Variants in BBS9 observed in about 807,000 individuals in gnomAD.
The protein encoded by BBS9 is protein PTHB1.
BBS9 carries 89 observed loss-of-function variants against 117.7 expected under a neutral mutation model. The ratio of observed to expected loss-of-function variants is 0.76; its 90% CI spans 0.64 to 0.90. The LOEUF (loss-of-function observed/expected upper bound fraction) is 0.90, where lower values mean the gene tolerates loss of function less well. Among genes scored for constraint, BBS9 ranks in the 40% least tolerant of loss-of-function variants. BBS9 has a pLI of 0.00. For missense variants in BBS9, 982 were observed against 1,042.2 expected, an observed-to-expected ratio of 0.94 and a Z score of 0.80; for synonymous variants, 379 against 370.9, an observed-to-expected ratio of 1.02 and a Z score of -0.25.
intron 21 of BBS9, among the ~76,000 whole-genome samples, chr7:33,588,064 G>C (rs1433346457): frequency 1.3e-5 from 2 of 151,958 alleles, no homozygotes; most frequent in Admixed American, 1.3e-4. Flanking sequence ...CTATTATCAA[G>C]AACTGGAATT....
At chr7:33,309,152 G>T (rs542514322) in intron 9 of BBS9, among the ~76,000 whole-genome samples, 17 of 152,260 alleles carry the variant, frequency 1.1e-4, no homozygotes, top group African/African-American at 3.9e-4. Context: ...GGAGTAGGGG[G>T]TCTTTAAATA....
chr7:33,614,357 C>T (rs1019427212), intron 21 of BBS9, among the ~76,000 whole-genome samples: 4 of 152,018 alleles, frequency 2.6e-5, no homozygotes, highest in Non-Finnish European at 4.4e-5. Flanking sequence ...CCATTACCCA[C>T]CCTCTTTATA....
chr7:33,180,418 C>T (rs6944555), intron 5 of BBS9, among the ~76,000 whole-genome samples: 149,674 of 149,786 alleles, frequency 1, 74,781 homozygotes, highest in Middle Eastern at 1. Context: ...TGGAGTGCAG[C>T]GGTGTGATCT....
At chr7:33,589,351 A>G (rs1861487304) in intron 21 of BBS9, among the ~76,000 whole-genome samples, 2 of 152,108 alleles carry the variant, frequency 1.3e-5, no homozygotes, top group Admixed American at 6.6e-5. Context: ...CCCAAAACAG[A>G]GTGCAATTTA....
intron 20 of BBS9, among the ~76,000 whole-genome samples, chr7:33,528,788 A>G (rs1210194679): frequency 6.6e-6 from 1 of 152,222 alleles, no homozygotes; most frequent in Non-Finnish European, 1.5e-5. Context: ...AGAACTCAGG[A>G]GCCTCGGGAC....
chr7:33,361,283 A>G (rs1820568146), intron 16 of BBS9, among the ~76,000 whole-genome samples: 1 of 152,238 alleles, frequency 6.6e-6, no homozygotes, highest in Non-Finnish European at 1.5e-5. Flanking sequence ...GTAATAACAG[A>G]TAAAATGTCA....
intron 20 of BBS9, among the ~76,000 whole-genome samples, chr7:33,527,333 G>A (rs1849728894): frequency 6.6e-6 from 1 of 152,094 alleles, no homozygotes; most frequent in South Asian, 2.1e-4. Flanking sequence ...AATGGTGGGC[G>A]CCCCTCCCCC....
intron 19 of BBS9, among the ~76,000 whole-genome samples, chr7:33,416,107 T>G (rs1329764738): frequency 6.6e-6 from 1 of 152,138 alleles, no homozygotes; most frequent in Non-Finnish European, 1.5e-5. Flanking sequence ...GTTCTGGGAT[T>G]ATAGGTGTGA....
At chr7:33,509,902 G>T (rs1846677275) in intron 20 of BBS9, among the ~76,000 whole-genome samples, 2 of 152,180 alleles carry the variant, frequency 1.3e-5, no homozygotes, top group Non-Finnish European at 2.9e-5. Context: ...ATTAATCGTT[G>T]TCTGTGATCT....
At chr7:33,502,255 T>C (rs1486383945) in intron 19 of BBS9, among the ~76,000 whole-genome samples, 1 of 152,168 alleles carries the variant, frequency 6.6e-6, no homozygotes, top group Non-Finnish European at 1.5e-5. Context: ...TTCTCATTGG[T>C]GTGCTAGTAA....
chr7:33,478,457 A>G (rs1466402018), intron 19 of BBS9, among the ~76,000 whole-genome samples: 1 of 152,236 alleles, frequency 6.6e-6, no homozygotes, highest in Non-Finnish European at 1.5e-5. Flanking sequence ...GGTAATTCTT[A>G]CATTTCTTAT....
intron 19 of BBS9, among the ~76,000 whole-genome samples, chr7:33,427,681 G>T (rs146627896): frequency 5.9e-5 from 9 of 152,164 alleles, no homozygotes; most frequent in African/African-American, 1.9e-4. Context: ...CAGTTTACAC[G>T]GGTTTTCTGA....
intron 9 of BBS9, among the ~76,000 whole-genome samples, chr7:33,285,960 A>G (rs1802805303): frequency 6.6e-6 from 1 of 151,974 alleles, no homozygotes; most frequent in African/African-American, 2.4e-5. Flanking sequence ...CTTATAAACA[A>G]TATCATAGTA....
At chr7:33,455,322 A>G (rs1838481490) in intron 19 of BBS9, among the ~76,000 whole-genome samples, 1 of 152,190 alleles carries the variant, frequency 6.6e-6, no homozygotes, top group Admixed American at 6.5e-5. Flanking sequence ...CTTTGCTGTC[A>G]GGAAACCTCA....
intron 19 of BBS9, among the ~76,000 whole-genome samples, chr7:33,458,009 G>A (rs1056112104): frequency 6.6e-6 from 1 of 152,280 alleles, no homozygotes; most frequent in African/African-American, 2.4e-5. Context: ...TTAGCTCTGA[G>A]ACAATTAGCT....
chr7:33,556,788 T>C (rs1441818054), intron 21 of BBS9, among the ~76,000 whole-genome samples: 1 of 152,194 alleles, frequency 6.6e-6, no homozygotes, highest in Admixed American at 6.5e-5. Flanking sequence ...ATGTATCCTC[T>C]GTAAATTATA....
At chr7:33,385,814 A>G (rs1424367854) in intron 18 of BBS9, among the ~76,000 whole-genome samples, 1 of 152,010 alleles carries the variant, frequency 6.6e-6, no homozygotes, top group Non-Finnish European at 1.5e-5. Context: ...AATTATTGAT[A>G]ATTAGGTTAA....
intron 19 of BBS9, among the ~76,000 whole-genome samples, chr7:33,388,717 G>A (rs1826492985): frequency 6.6e-6 from 1 of 152,086 alleles, no homozygotes; most frequent in Non-Finnish European, 1.5e-5. Context: ...TTAAGGCACT[G>A]TCTCTCCAAA....
chr7:33,264,350 A>G lies in BBS9; in HGVS notation c.678A>G (p.Lys226=), dbSNP rs201231133. ...ADKRQETEQQ[K]LGSGKRLVVD... ...AAAGGCAGGAGACTGAACAGCAAAA[A>G]CTTGGTTCTGGAAAAAGACTAGTTG... is the stretch of plus-strand genomic sequence containing the variant. Residue 226 remains lysine, a synonymous_variant, in exon 7 of 23, where the codon AAA becomes AAG. Coordinates refer to ENST00000242067, the MANE Select transcript of BBS9 (RefSeq NM_198428.3). 1.4e-4 allele frequency: 214 copies of G among 1,581,476 alleles called. 3 individuals are homozygous for G. In the Admixed American group the frequency reaches 3.5e-3, roughly 26 times the overall value.
Sources: gnomAD v4.1 joint callset for allele counts (sites outside exome capture counted in the v4.1 genomes callset) on GRCh38, gnomAD v4.1.1 for gene constraint, MANE v1.5 for transcripts, NCBI Gene and HGNC (gene_info 2026-07-23, HGNC 2026-07-21) for gene names.